The following PRRC2C variants were observed in gnomAD, a reference collection of about 807,000 sequenced individuals.
PRRC2C encodes proline rich coiled-coil 2C.
In PRRC2C, 72 loss-of-function variants were observed where a neutral mutation model predicts 317.2. The ratio of observed to expected loss-of-function variants is 0.23; its 90% CI spans 0.19 to 0.28. PRRC2C has a LOEUF of 0.28. Ranked by LOEUF, PRRC2C falls within the 10% of genes least tolerant of loss-of-function variation. The pLI is 1.00. For missense variants in PRRC2C, 3,074 were observed against 3,459.7 expected (o/e 0.89, Z 2.80); for synonymous variants, 1,296 against 1,205.9 (o/e 1.07, Z -1.55).
intron 6 of PRRC2C, among the ~76,000 whole-genome samples, chr1:171,519,912 A>G (rs988601412): frequency 6.6e-6 from 1 of 152,202 alleles, no homozygotes; most frequent in African/African-American, 2.4e-5. Context: ...CAAAGTGAGC[A>G]TATACATTAC....
intron 24 of PRRC2C, among the ~76,000 whole-genome samples, chr1:171,574,410 A>G (rs1181953217): frequency 6.6e-6 from 1 of 152,194 alleles, no homozygotes; most frequent in African/African-American, 2.4e-5. Context: ...TAGGAGAAGA[A>G]AATACAGCTG....
intron 26 of PRRC2C, 58 bp from the exon 27 acceptor site, chr1:171,579,296 T>C (rs182361698): frequency 3.4e-4 from 525 of 1,535,114 alleles, no homozygotes; most frequent in African/African-American, 3.4e-3. Context: ...TATTTACTGT[T>C]TGGAAAATTC....
intron 3 of PRRC2C, chr1:171,513,444 C>A (rs771622562): frequency 1.7e-5 from 9 of 536,448 alleles, no homozygotes; most frequent in Non-Finnish European, 3.2e-5. Flanking sequence ...ATACTACCAC[C>A]AACTCAGGTA....
intron 34 of PRRC2C, among the ~76,000 whole-genome samples, chr1:171,591,000 G>A (rs996293373): frequency 6.6e-6 from 1 of 152,094 alleles, no homozygotes; most frequent in Non-Finnish European, 1.5e-5. Flanking sequence ...TGTTACAGTG[G>A]TAAAATTTAC....
Position 171,557,483 on chromosome 1 carries a change from A to G in PRRC2C, c.5371A>G (p.Thr1791Ala), listed in dbSNP as rs575372644. 3.9e-5 allele frequency: 61 copies of G among 1,551,130 alleles called. 1 individual carries two copies. In the African/African-American group the frequency reaches 5.2e-4, roughly 13 times the overall value. Residue 1791 changes from threonine (T) to alanine (A), a missense_variant, in exon 19 of 35, where the codon ACT becomes GCT. Physicochemically the swap from Thr to Ala is moderately conservative, Grantham distance 58. Around this residue, in one of 11 missense-constraint regions of PRRC2C, gnomAD observed 640 missense variants for 676.1 expected, o/e 0.95. Coordinates refer to ENST00000647382, the MANE Select transcript of PRRC2C (RefSeq NM_001387844.1). ...AACCTCAGCTCCGGTTCCAGCCTCA[A>G]CTTTAGCTCCAGTTCTGGCCTCAAC... ...ASTSAPVPASTLAPVLASTSA... is the reference protein window; with the variant it reads ...ASTSAPVPASALAPVLASTSA...
chr1:171,551,010 A>G (rs1487456814), intron 18 of PRRC2C, among the ~76,000 whole-genome samples: 2 of 152,186 alleles, frequency 1.3e-5, no homozygotes, highest in Admixed American at 1.3e-4. Context: ...GGCAAATGGT[A>G]TGTCTAGTTC....
At chr1:171,497,309 G>A (rs1668305993) in intron 1 of PRRC2C, among the ~76,000 whole-genome samples, 1 of 152,196 alleles carries the variant, frequency 6.6e-6, no homozygotes, top group Middle Eastern at 3.4e-3. Context: ...TTGGGCACTG[G>A]CTTTGAAGTC....
At chr1:171,556,269 A>C (rs765437808) in intron 18 of PRRC2C, among the ~76,000 whole-genome samples, 2 of 152,238 alleles carry the variant, frequency 1.3e-5, no homozygotes, top group Non-Finnish European at 2.9e-5. Context: ...CCGTTTGCTA[A>C]GACCGTTGGA....
chr1:171,549,023 T>C (rs1462662759), intron 17 of PRRC2C, among the ~76,000 whole-genome samples: 1 of 152,130 alleles, frequency 6.6e-6, no homozygotes, highest in Non-Finnish European at 1.5e-5. Context: ...TTGCATTTTT[T>C]GTAGAGACAG....
intron 5 of PRRC2C, among the ~76,000 whole-genome samples, chr1:171,516,124 A>G (rs1035864359): frequency 1.3e-5 from 2 of 152,176 alleles, no homozygotes; most frequent in Non-Finnish European, 2.9e-5. Flanking sequence ...GGTGACTTTC[A>G]TGTATACCAA....
At chr1:171,569,629 C>A (rs1684386605) in intron 23 of PRRC2C, among the ~76,000 whole-genome samples, 2 of 83,168 alleles carry the variant, frequency 2.4e-5, no homozygotes, top group Non-Finnish European at 5.2e-5. Flanking sequence ...CTTATACCTC[C>A]TGTGAAAAAT....
chr1:171,536,391 T>A, intron 14 of PRRC2C, 113 bp downstream of exon 14: 2 of 1,186,334 alleles, frequency 1.7e-6, no homozygotes, highest in Non-Finnish European at 2.4e-6. Flanking sequence ...CTCCGATTTT[T>A]AATCAAAATG....
At chr1:171,590,727 T>C (rs1480405393) in intron 34 of PRRC2C, among the ~76,000 whole-genome samples, 3 of 152,236 alleles carry the variant, frequency 2.0e-5, no homozygotes, top group African/African-American at 4.8e-5. Flanking sequence ...CTGTTTGTTA[T>C]AATTAGAAAT....
rs371929853 is a variant in PRRC2C at position 171,540,657 on chromosome 1, C to T, written c.3191C>T (p.Pro1064Leu). 1 of 1,613,794 alleles carries T rather than the reference C, an allele frequency of 6.2e-7. No individual in the cohort carries two copies. The highest frequency in any genetic ancestry group is 1.7e-5 in the Admixed American group (1 of 59,994). The change falls in exon 16 of 35, where the codon CCA becomes CTA. Residue 1064 changes from proline (P) to leucine (L), a missense_variant. Pro to Leu is a moderately conservative substitution (Grantham distance 98). This residue lies in a region of PRRC2C where 1,320 missense variants were observed against 1,395.7 expected (regional missense o/e 0.95). Transcript: ENST00000647382. Reference sequence around the variant, plus strand: ...GAAAAGAAGGATCTTCCTCCTCCCCCACCACCACCTCAGCCACCAGCACCA... The same window carrying T: ...GAAAAGAAGGATCTTCCTCCTCCCCTACCACCACCTCAGCCACCAGCACCA... ...KTEKKDLPPP[P>L]PPPQPPAPIQ...
At chr1:171,545,776 A>G (rs1679008343) in intron 17 of PRRC2C, 89 bp downstream of exon 17, 3 of 915,634 alleles carry the variant, frequency 3.3e-6, no homozygotes, top group Non-Finnish European at 4.3e-6. Flanking sequence ...AGATGCCACA[A>G]TTAAAGAAGT....
Position 171,589,567 on chromosome 1 carries a change from C to G in PRRC2C, c.8398C>G (p.Gln2800Glu). ...ATCACTATCTGGAGTCAGAGGTAAT[C>G]AGGCCCAGGCTGCGTTGAAGGCTGA... ...CGSLSGVRGN[Q>E]AQAALKAEQD... Residue 2800 changes from glutamine (Q) to glutamate (E), a missense_variant, in exon 34 of 35, where the codon CAG (glutamine) becomes GAG (glutamate). Gln to Glu is a conservative substitution (Grantham distance 29, BLOSUM62 2). Transcript: ENST00000647382. 2.3e-6 allele frequency: 3 copies of G among 1,289,776 alleles called. No homozygotes were observed. The highest frequency in any genetic ancestry group is 3.0e-6 in the Non-Finnish European group (3 of 988,860). The allele number at this position is 1,289,776 out of a possible 1,614,324, so 79.9% of individuals were successfully genotyped here. A position where few individuals can be genotyped will look rare whatever the true frequency, so the allele number is the denominator to read the frequency against.
At chr1:171,580,948 A>C (rs1648424961) in intron 28 of PRRC2C, among the ~76,000 whole-genome samples, 2 of 152,232 alleles carry the variant, frequency 1.3e-5, no homozygotes, top group Admixed American at 6.5e-5. Context: ...CAGTTAATAC[A>C]GTATGTTTTA....
rs1647958190 is a variant in PRRC2C, at chr1:171,579,271, A to G, written c.7160-83A>G. The stretch of plus-strand genomic sequence containing the variant: ...GGGTGCACTTAATTTGGAATCTGCT[A>G]CAAAACTTGGTTTTTATTTACTGTT... On this transcript the variant is annotated intron_variant, in intron 26 of 34. Coordinates refer to ENST00000647382, the MANE Select transcript of PRRC2C (RefSeq NM_001387844.1). The G allele has an allele frequency of 4.7e-6, 7 of 1,477,506 alleles. No homozygotes were observed. The South Asian group carries it at 7.0e-5, about 15-fold the overall frequency. 91.5% of individuals were successfully genotyped at this position (1,477,506 alleles called of 1,614,324 possible).
chr1:171,496,795 G>A (rs1344141154), intron 1 of PRRC2C, among the ~76,000 whole-genome samples: 5 of 151,698 alleles, frequency 3.3e-5, no homozygotes, highest in Non-Finnish European at 7.4e-5. Flanking sequence ...GTGTGTGTGT[G>A]TGTGTGTGTG....
Sources: gnomAD v4.1 joint callset for allele counts (sites outside exome capture counted in the v4.1 genomes callset) on GRCh38, gnomAD v4.1.1 for gene constraint, gnomAD v4.1.1 regional missense constraint, MANE v1.5 for transcripts, NCBI Gene and HGNC (gene_info 2026-07-23, HGNC 2026-07-21) for gene names.